The following CNTNAP3 variants were observed in gnomAD, a reference collection of about 807,000 sequenced individuals.
CNTNAP3 encodes the protein contactin-associated protein-like 3.
Under a neutral mutation model 92.1 loss-of-function variants are expected in CNTNAP3, and 36 were observed. That is an observed-to-expected ratio of 0.39 (90% CI 0.30 to 0.52). The LOEUF is 0.52. Ranked by LOEUF, CNTNAP3 falls within the 20% of genes least tolerant of loss-of-function variation. The pLI, the probability that CNTNAP3 is intolerant of heterozygous loss-of-function variation, is 0.76. For missense variants in CNTNAP3, 534 were observed against 1,069.6 expected (o/e 0.50, Z 6.98); for synonymous variants, 232 against 422.3 (o/e 0.55, Z 5.53).
chr9:39,131,749 C>A (rs1031361009), intron 13 of CNTNAP3, among the ~76,000 whole-genome samples: 1 of 152,060 alleles, frequency 6.6e-6, no homozygotes, highest in Non-Finnish European at 1.5e-5. Context: ...TCGCTTGAAT[C>A]CGGGAGGGGA....
chr9:39,119,355 C>CAAAAAAAAA (rs35344011), intron 13 of CNTNAP3, among the ~76,000 whole-genome samples: 78 of 101,256 alleles, frequency 7.7e-4, no homozygotes, highest in African/African-American at 2.5e-3. Flanking sequence ...GCCCCTCTGC[C>CAAAAAAAAA]AAAAAAAAAA....
intron 18 of CNTNAP3, among the ~76,000 whole-genome samples, chr9:39,091,575 AT>A (rs1190241069): frequency 6.6e-6 from 1 of 151,934 alleles, no homozygotes; most frequent in African/African-American, 2.4e-5. Context: ...AGTCATTTTT[AT>A]ATGTGACTGG....
intron 18 of CNTNAP3, among the ~76,000 whole-genome samples, chr9:39,094,587 T>C (rs1037575206): frequency 1.7e-4 from 26 of 151,654 alleles, no homozygotes; most frequent in Non-Finnish European, 2.5e-4. Context: ...CCTACCTTTA[T>C]GTTGAATAGA....
rs1354100013 is a variant in CNTNAP3, at chr9:39,068,140, C to T, written c.*5750G>A. ...TCAGGGCGGGCGCAGTGGCTTACGC[C>T]TGTGATACCAGCGCTTTAGGAGGCT... On this transcript the variant is annotated 3_prime_UTR_variant, in exon 24 of 24. Transcript: ENST00000297668. Among the ~76,000 whole-genome samples, 6 of 152,394 alleles carry T rather than the reference C, an allele frequency of 3.9e-5. No homozygotes were observed. The highest frequency in any genetic ancestry group is 1.4e-4 in the African/African-American group (6 of 41,582).
chr9:39,092,761 T>G (rs1170210697), intron 18 of CNTNAP3, among the ~76,000 whole-genome samples: 1 of 137,320 alleles, frequency 7.3e-6, no homozygotes, highest in Non-Finnish European at 1.6e-5. Flanking sequence ...TTCAACTCTA[T>G]TTTCTTGGTA....
At chr9:39,145,213 C>T (rs1620246) in intron 10 of CNTNAP3, among the ~76,000 whole-genome samples, 1,560 of 133,362 alleles carry the variant, frequency 0.012, 4 homozygotes, top group African/African-American at 0.032. Context: ...GGTAGTGTGA[C>T]CTTCTGGAGG....
intron 15 of CNTNAP3, among the ~76,000 whole-genome samples, chr9:39,105,223 C>T (rs573438583): frequency 7.2e-5 from 11 of 152,210 alleles, no homozygotes; most frequent in East Asian, 1.9e-4. Context: ...GTCAGGAGAT[C>T]CAGACCATCC....
rs1825659154 is a variant in CNTNAP3, at chr9:39,072,877, A to G, written c.*1013T>C. On this transcript the variant is annotated 3_prime_UTR_variant, in exon 24 of 24. Transcript: ENST00000297668. ...CAACTTTTAGAAAAAGAAATGAATG[A>G]TAAAGAAAAACAGATATGACCTCTC... 6.5e-6 allele frequency: 1 copy of G among 153,138 alleles called. No homozygotes were observed. The highest frequency in any genetic ancestry group is 1.5e-5 in the Non-Finnish European group (1 of 68,302). 9.5% of individuals were successfully genotyped at this position (153,138 alleles called of 1,614,324 possible).
At chr9:39,130,169 G>A (rs907537876) in intron 13 of CNTNAP3, among the ~76,000 whole-genome samples, 8 of 152,116 alleles carry the variant, frequency 5.3e-5, no homozygotes, top group Non-Finnish European at 1.2e-4. Context: ...GAAAACTGAT[G>A]TTCACACAAA....
intron 15 of CNTNAP3, among the ~76,000 whole-genome samples, chr9:39,104,168 G>C (rs56298750): frequency 6.6e-6 from 1 of 151,988 alleles, no homozygotes; most frequent in African/African-American, 2.4e-5. Flanking sequence ...CCAGTCAGGG[G>C]ATCGCGCAGC....
chr9:39,076,728 G>A (rs1428717764), intron 23 of CNTNAP3, among the ~76,000 whole-genome samples: 3 of 152,028 alleles, frequency 2.0e-5, no homozygotes, highest in East Asian at 3.8e-4. Flanking sequence ...TAGCACTTTG[G>A]GAGGCCAAGG....
chr9:39,260,723 C>A (rs1251278248), intron 2 of CNTNAP3, among the ~76,000 whole-genome samples: 1 of 1,724 alleles, frequency 5.8e-4, no homozygotes, highest in African/African-American at 3.0e-3. Flanking sequence ...ACTCTGTCTC[C>A]AAAAAAAAAA....
chr9:39,131,626 G>A (rs1821295776), intron 13 of CNTNAP3, among the ~76,000 whole-genome samples: 1 of 152,070 alleles, frequency 6.6e-6, no homozygotes, highest in Non-Finnish European at 1.5e-5. Context: ...AGGAGTTCAA[G>A]AACAGCCTGA....
rs1237172305 is a variant in CNTNAP3, at chr9:39,066,407, AT to A, written c.*7482del. Among the ~76,000 whole-genome samples the A allele has an allele frequency of 2.6e-5, 4 of 152,120 alleles. No homozygotes were observed. Among genetic ancestry groups the A allele is most frequent in the Non-Finnish European group, 5.9e-5 (4 of 68,016 alleles). On this transcript the variant is annotated 3_prime_UTR_variant, in exon 24 of 24. Coordinates refer to ENST00000297668, the MANE Select transcript of CNTNAP3 (RefSeq NM_033655.5). ...TAAGTAATAAGGGCAGGTATTGTAT[AT>A]TTACTTATGGTGTTACTATTGCCAG...
chr9:39,076,708 C>CA (rs1403412949), intron 23 of CNTNAP3, among the ~76,000 whole-genome samples: 2 of 152,310 alleles, frequency 1.3e-5, no homozygotes, highest in African/African-American at 4.8e-5. Context: ...GTGGCTCATG[C>CA]CTGTAATCCT....
chr9:39,087,012 A>G (rs1826076306), intron 19 of CNTNAP3, among the ~76,000 whole-genome samples, 163 bp from the exon 20 acceptor site: 1 of 152,034 alleles, frequency 6.6e-6, no homozygotes, highest in African/African-American at 2.4e-5. Context: ...AACAGTGATT[A>G]CTTAAGTGCT....
intron 18 of CNTNAP3, among the ~76,000 whole-genome samples, chr9:39,099,435 C>A (rs1000759406): frequency 3.3e-5 from 5 of 152,142 alleles, no homozygotes; most frequent in Non-Finnish European, 7.4e-5. Flanking sequence ...AAAGACATTT[C>A]TATAAAGGCC....
intron 15 of CNTNAP3, among the ~76,000 whole-genome samples, chr9:39,107,039 G>A (rs1241431199): frequency 6.6e-6 from 1 of 152,056 alleles, no homozygotes; most frequent in Non-Finnish European, 1.5e-5. Flanking sequence ...CAGTTCAGAA[G>A]GGACAAGAAG....
intron 21 of CNTNAP3, among the ~76,000 whole-genome samples, chr9:39,082,615 C>A (rs1825973136): frequency 6.6e-6 from 1 of 152,302 alleles, no homozygotes; most frequent in African/African-American, 2.4e-5. Flanking sequence ...ATGCTGACAG[C>A]ACTTTACTCA....
Sources: gnomAD v4.1 joint callset for allele counts (sites outside exome capture counted in the v4.1 genomes callset) on GRCh38, gnomAD v4.1.1 for gene constraint, MANE v1.5 for transcripts, NCBI Gene and HGNC (gene_info 2026-07-23, HGNC 2026-07-21) for gene names.